The following MECOM variants were observed in gnomAD, a reference collection of about 807,000 sequenced individuals.
MECOM encodes MDS1 and EVI1 complex locus.
A neutral mutation model predicts 116.3 loss-of-function variants in MECOM; 13 were observed. The ratio of observed to expected loss-of-function variants is 0.11; its 90% CI spans 0.07 to 0.18. The LOEUF (loss-of-function observed/expected upper bound fraction) is 0.18. Among genes scored for constraint, MECOM ranks in the 10% least tolerant of loss-of-function variants. MECOM has a pLI of 1.00. For missense variants in MECOM, 1,299 were observed against 1,509.0 expected, an observed-to-expected ratio of 0.86 and a Z score of 2.31; for synonymous variants, 528 against 535.2, an observed-to-expected ratio of 0.99 and a Z score of 0.19.
At chr3:169,404,274 C>G (rs529122191) in intron 1 of MECOM, among the ~76,000 whole-genome samples, 2 of 152,014 alleles carry the variant, frequency 1.3e-5, no homozygotes, top group Non-Finnish European at 1.5e-5. Flanking sequence ...TTGGTTGTCT[C>G]TCTGCAAAAT....
At chr3:169,348,810 A>T (rs750644910) in intron 2 of MECOM, among the ~76,000 whole-genome samples, 1 of 152,042 alleles carries the variant, frequency 6.6e-6, no homozygotes, top group Non-Finnish European at 1.5e-5. Flanking sequence ...ATTATGAAGA[A>T]CAGAACAAAT....
At chr3:169,266,672 T>C (rs181960570) in intron 2 of MECOM, among the ~76,000 whole-genome samples, 11 of 152,216 alleles carry the variant, frequency 7.2e-5, no homozygotes, top group Admixed American at 2.6e-4. Context: ...TTACATTTGG[T>C]CTTTAATACT....
At chr3:169,177,159 A>G (rs940117805) in intron 2 of MECOM, among the ~76,000 whole-genome samples, 2 of 152,208 alleles carry the variant, frequency 1.3e-5, no homozygotes, top group South Asian at 2.1e-4. Flanking sequence ...ATAAAGACAT[A>G]TGCACACGTA....
At position 169,115,610 on chromosome 3, in the gene MECOM, C is replaced by T. The variant is rs572906212; in HGVS notation, c.2262G>A (p.Leu754=). The stretch of plus-strand genomic sequence containing the variant: ...CTGGAGGCTTGGAGGGGACTGGAGT[C>T]AAGGGCTTCTCATCCTTTCGCTTAG... The part of the protein sequence containing the change: ...LTTKRKDEKP[L]TPVPSKPPVT... The change falls in exon 8 of 17, where the codon TTG becomes TTA. Residue 754 remains leucine, a synonymous_variant. Transcript: ENST00000651503. The T allele has an allele frequency of 6.2e-7, 1 of 1,614,062 alleles. No homozygotes were observed. The highest frequency in any genetic ancestry group is 1.7e-5 in the Admixed American group (1 of 60,010).
intron 10 of MECOM, among the ~76,000 whole-genome samples, chr3:169,106,255 C>T (rs746063803): frequency 3.3e-5 from 5 of 152,046 alleles, no homozygotes; most frequent in Admixed American, 6.6e-5. Flanking sequence ...TATCCCACTC[C>T]ATGTATCACA....
At chr3:169,111,614 T>G (rs759320766) in intron 9 of MECOM, among the ~76,000 whole-genome samples, 3 of 152,136 alleles carry the variant, frequency 2.0e-5, no homozygotes, top group African/African-American at 4.8e-5. Context: ...TCTTCCTATA[T>G]AAAATTAATA....
At chr3:169,323,480 A>G (rs1577713737) in intron 2 of MECOM, among the ~76,000 whole-genome samples, 1 of 152,220 alleles carries the variant, frequency 6.6e-6, no homozygotes, top group South Asian at 2.1e-4. Flanking sequence ...ATTAGAGAAG[A>G]GAGAGGCAGA....
At chr3:169,348,199 TG>T (rs1400277537) in intron 2 of MECOM, among the ~76,000 whole-genome samples, 1 of 152,122 alleles carries the variant, frequency 6.6e-6, no homozygotes, top group Non-Finnish European at 1.5e-5. Flanking sequence ...ATTCTGTCTG[TG>T]TGTGCACACA....
chr3:169,381,275 G>C lies in MECOM; in HGVS notation c.287C>G (p.Thr96Ser). ...TTCACCTACTTCGATCTTCCTTTTG[G>C]TCCATATTCCTAGTCCTGCCCCAGG... The part of the protein sequence containing the change: ...NMPGAGLGIW[T>S]KRKIEVGEKF... Residue 96 changes from threonine (T) to serine (S), a missense_variant, in exon 2 of 17, where the codon ACC becomes AGC. Transcript: ENST00000651503. 6.2e-7 allele frequency: 1 copy of C among 1,613,720 alleles called. No homozygotes were observed. Among genetic ancestry groups the C allele is most frequent in the Non-Finnish European group, 8.5e-7 (1 of 1,179,786 alleles).
At chr3:169,182,476 A>C (rs1188965682) in intron 2 of MECOM, among the ~76,000 whole-genome samples, 1 of 152,232 alleles carries the variant, frequency 6.6e-6, no homozygotes, top group Admixed American at 6.5e-5. Flanking sequence ...TATTTAAAGC[A>C]GCAAAGCAAG....
rs1465486954 is a variant in MECOM, at chr3:169,378,579, AAAGAAAGTAAGTAAGT to A, written c.375+2592_375+2607del. ...GAAAGAAAGAAAGAAAGAAAGAAAG[AAAGAAAGTAAGTAAGT>A]AAGTTTGGGGACTTAATACAATATG... On this transcript the variant is annotated intron_variant, in intron 2 of 16. Transcript: ENST00000651503. Among the ~76,000 whole-genome samples the A allele has an allele frequency of 4.0e-3, 350 of 86,688 alleles. 11 individuals are homozygous for A. The highest frequency in any genetic ancestry group is 7.2e-3 in the African/African-American group (177 of 24,670). The allele number at this position is 86,688 out of a possible 152,430, so 56.9% of individuals were successfully genotyped here. A position where few individuals can be genotyped will look rare whatever the true frequency, so the allele number is the denominator to read the frequency against.
intron 2 of MECOM, among the ~76,000 whole-genome samples, chr3:169,183,399 T>C (rs1272841713): frequency 3.3e-5 from 5 of 152,194 alleles, no homozygotes; most frequent in Admixed American, 2.6e-4. Context: ...ATGCACACTT[T>C]ACTATTGTAA....
At chr3:169,286,031 T>C (rs1002100448) in intron 2 of MECOM, among the ~76,000 whole-genome samples, 1 of 152,226 alleles carries the variant, frequency 6.6e-6, no homozygotes, top group Non-Finnish European at 1.5e-5. Context: ...ATGCATTCGC[T>C]GTGAAAATCA....
intron 1 of MECOM, among the ~76,000 whole-genome samples, chr3:169,389,866 T>C (rs975957076): frequency 6.6e-6 from 1 of 152,270 alleles, no homozygotes; most frequent in Non-Finnish European, 1.5e-5. Flanking sequence ...AATTTACTGA[T>C]GACGGAACAC....
chr3:169,416,681 A>G (rs1347447827), intron 1 of MECOM, among the ~76,000 whole-genome samples: 3 of 152,136 alleles, frequency 2.0e-5, no homozygotes, highest in African/African-American at 7.2e-5. Context: ...TAGGCACAAT[A>G]AAAAAAGATA....
intron 1 of MECOM, among the ~76,000 whole-genome samples, chr3:169,521,421 T>C (rs372784078): frequency 6.6e-6 from 1 of 152,204 alleles, no homozygotes; most frequent in Admixed American, 6.5e-5. Flanking sequence ...TACTTTTTGG[T>C]GTCCATTCCC....
At chr3:169,424,489 C>G (rs535853654) in intron 1 of MECOM, among the ~76,000 whole-genome samples, 1 of 152,246 alleles carries the variant, frequency 6.6e-6, no homozygotes, top group East Asian at 1.9e-4. Flanking sequence ...CTCATGACCT[C>G]TATGATCAGA....
At chr3:169,147,188 A>G (rs1274258891) in intron 2 of MECOM, 11 of 985,250 alleles carry the variant, frequency 1.1e-5, no homozygotes, top group Non-Finnish European at 1.2e-5. Flanking sequence ...TAAAACTTCT[A>G]CTTCTCCTTC....
chr3:169,453,509 T>C (rs1014824965), intron 1 of MECOM, among the ~76,000 whole-genome samples: 41 of 152,204 alleles, frequency 2.7e-4, no homozygotes, highest in African/African-American at 7.2e-4. Flanking sequence ...GACATTTTTT[T>C]CTTTCAGAAA....
Sources: allele counts gnomAD v4.1 joint callset (sites outside exome capture counted in the v4.1 genomes callset), GRCh38; gene constraint gnomAD v4.1.1; transcripts MANE v1.5; gene names NCBI Gene and HGNC (gene_info 2026-07-23, HGNC 2026-07-21).